Variants in THNSL1 observed in about 807,000 individuals in gnomAD.
THNSL1 encodes threonine synthase like 1, also known as threonine synthase-like 1.
THNSL1 carries 48 observed loss-of-function variants against 50.4 expected under a neutral mutation model. The observed-to-expected ratio is 0.95, with a 90% CI of 0.76 to 1.21. THNSL1 has a LOEUF of 1.21. THNSL1 is among the 50% of genes most tolerant of loss of function. THNSL1 has a pLI of 0.00. For missense variants in THNSL1, 896 were observed against 871.7 expected, an observed-to-expected ratio of 1.03 and a Z score of -0.35; for synonymous variants, 309 against 306.1, an observed-to-expected ratio of 1.01 and a Z score of -0.10.
chr10:24,952,734 G>A, the THNSL1 span: 16 of 679,940 alleles, frequency 2.4e-5, no homozygotes, highest in Admixed American at 2.0e-4. This position sits in a 1 kb window ranked among gnomAD's most constrained non-coding sequence, Gnocchi z 5.1. Context: ...GCGGGAAGCA[G>A]CGGCCTGACG....
At chr10:24,996,518 GT>G in the THNSL1 span, among the ~76,000 whole-genome samples, 1 of 151,860 alleles carries the variant, frequency 6.6e-6, no homozygotes, top group East Asian at 1.9e-4. Context: ...CTTATTGGCC[GT>G]TTTTACACAG....
rs774943737 is a variant in THNSL1 at position 25,024,952 on chromosome 10, C to T, written c.1729C>T (p.His577Tyr). 2 of 1,613,996 alleles carry T rather than the reference C, an allele frequency of 1.2e-6. No individual in the cohort carries two copies. The highest frequency in any genetic ancestry group is 8.5e-7 in the Non-Finnish European group (1 of 1,180,034). ...LKSSNLERHL[H>Y]LMANKDGQLM... ...ATCTTCAAACCTAGAACGACATTTA[C>T]ACTTGATGGCTAATAAAGATGGACA... The change falls in exon 3 of 3, where the codon CAC becomes TAC. Residue 577 changes from histidine to tyrosine, a missense_variant. Coordinates refer to ENST00000376356, the MANE Select transcript of THNSL1 (RefSeq NM_024838.5).
At chr10:24,964,100 C>A in the THNSL1 span, among the ~76,000 whole-genome samples, 5 of 152,230 alleles carry the variant, frequency 3.3e-5, no homozygotes, top group Admixed American at 2.0e-4. Flanking sequence ...TTCCTGGCTT[C>A]TTTTGCTCCT....
At chr10:24,952,564 GCTCC>G in the THNSL1 span, 1 of 1,592,106 alleles carries the variant, frequency 6.3e-7, no homozygotes, top group African/African-American at 1.3e-5. This position sits in a 1 kb window ranked among gnomAD's most constrained non-coding sequence, Gnocchi z 5.1. Context: ...CCTCCTCGCT[GCTCC>G]CGGCCATGTT....
the THNSL1 span, among the ~76,000 whole-genome samples, chr10:25,009,200 A>G: frequency 1.3e-5 from 2 of 152,186 alleles, no homozygotes; most frequent in Admixed American, 6.5e-5. Context: ...GCACATGTAT[A>G]CATATGTAAC....
chr10:24,977,745 A>G, the THNSL1 span, among the ~76,000 whole-genome samples: 1 of 152,206 alleles, frequency 6.6e-6, no homozygotes, highest in African/African-American at 2.4e-5. Context: ...ATTATTATGT[A>G]TGTGTGTATA....
chr10:24,955,701 T>G, the THNSL1 span, among the ~76,000 whole-genome samples: 553 of 152,282 alleles, frequency 3.6e-3, 5 homozygotes, highest in African/African-American at 0.012. Flanking sequence ...TACCAGCACT[T>G]CGGGAGGCCA....
At chr10:24,975,594 G>C in the THNSL1 span, among the ~76,000 whole-genome samples, 22 of 151,980 alleles carry the variant, frequency 1.4e-4, no homozygotes, top group Non-Finnish European at 2.5e-4. Context: ...GTGAGTTCTC[G>C]TGAGATCTCA....
At chr10:24,967,854 C>A in the THNSL1 span, among the ~76,000 whole-genome samples, 1 of 149,214 alleles carries the variant, frequency 6.7e-6, no homozygotes, top group Non-Finnish European at 1.5e-5. Context: ...ATGATGTGTG[C>A]GTATGATGTA....
chr10:25,002,710 T>A, the THNSL1 span, among the ~76,000 whole-genome samples: 4 of 152,260 alleles, frequency 2.6e-5, no homozygotes, highest in South Asian at 8.3e-4. Flanking sequence ...GTAGATAAAT[T>A]TGTTTGAAGA....
chr10:25,015,574 CAT>C (rs1458599678), upstream of THNSL1, among the ~76,000 whole-genome samples: 2 of 152,106 alleles, frequency 1.3e-5, no homozygotes, highest in African/African-American at 4.8e-5. Flanking sequence ...CTGTATATCA[CAT>C]ATAATTAAAT....
chr10:24,976,085 C>G, the THNSL1 span, among the ~76,000 whole-genome samples: 3 of 152,172 alleles, frequency 2.0e-5, no homozygotes, highest in Non-Finnish European at 4.4e-5. Flanking sequence ...TCTACCCCTT[C>G]CTGGGAGACT....
At chr10:24,985,553 T>G in the THNSL1 span, among the ~76,000 whole-genome samples, 4 of 152,226 alleles carry the variant, frequency 2.6e-5, no homozygotes, top group African/African-American at 9.6e-5. Flanking sequence ...GTAACACACA[T>G]GCTAATTCAA....
chr10:25,020,276 A>ATATCTGTATCTATATC (rs58705370), intron 1 of THNSL1, among the ~76,000 whole-genome samples: 1 of 149,428 alleles, frequency 6.7e-6, no homozygotes, highest in Non-Finnish European at 1.5e-5. Flanking sequence ...ATCTATATCT[A>ATATCTGTATCTATATC]TATATATCTA....
chr10:25,024,345 A>G lies in THNSL1; in HGVS notation c.1122A>G (p.Ile374Met). The G allele has an allele frequency of 1.9e-6, 3 of 1,614,138 alleles. No individual in the cohort carries two copies. Among genetic ancestry groups the G allele is most frequent in the Non-Finnish European group, 2.5e-6 (3 of 1,180,030 alleles). The change falls in exon 3 of 3, where the codon ATA (isoleucine) becomes ATG (methionine). Residue 374 changes from isoleucine to methionine, a missense_variant. Coordinates refer to ENST00000376356, the MANE Select transcript of THNSL1 (RefSeq NM_024838.5). ...HCIPPSCNYMILVATSGDTGS... is the reference protein window; with the variant it reads ...HCIPPSCNYMMLVATSGDTGS... ...TCCCACCAAGTTGCAATTATATGAT[A>G]CTTGTAGCTACTTCAGGAGACACAG...
the THNSL1 span, among the ~76,000 whole-genome samples, chr10:24,998,348 T>C: frequency 1.9e-5 from 2 of 107,608 alleles, no homozygotes; most frequent in Admixed American, 1.1e-4. Context: ...TCTCCCTCCC[T>C]TCCTTCCTTC....
chr10:25,005,259 TTC>T, the THNSL1 span, among the ~76,000 whole-genome samples: 10 of 152,218 alleles, frequency 6.6e-5, no homozygotes, highest in African/African-American at 2.2e-4. Flanking sequence ...AGATAAGTTA[TTC>T]TCAAACTAAA....
chr10:24,968,791 T>G, the THNSL1 span, among the ~76,000 whole-genome samples: 2 of 152,278 alleles, frequency 1.3e-5, no homozygotes, highest in Non-Finnish European at 2.9e-5. Flanking sequence ...CTCAAGGCTC[T>G]GTTGTACACA....
At position 25,018,622 on chromosome 10, in the gene THNSL1, A is replaced by G. The variant is rs567303510; in HGVS notation, c.-216+1930A>G. ...CACAGATCCTAGATCCCCGTATATA[A>G]TGGTATGCCTGTGATGTACATAAAC... On this transcript the variant is annotated intron_variant, in intron 1 of 2. Transcript: ENST00000376356. Among the ~76,000 whole-genome samples the G allele has an allele frequency of 1.3e-4, 19 of 148,686 alleles. No homozygotes were observed. The South Asian group carries it at 3.9e-3, about 31-fold the overall frequency.
Sources: gnomAD v4.1 joint callset for allele counts (sites outside exome capture counted in the v4.1 genomes callset) on GRCh38, gnomAD v4.1.1 for gene constraint, Gnocchi (gnomAD v3.1) non-coding constraint, MANE v1.5 for transcripts, NCBI Gene and HGNC (gene_info 2026-07-23, HGNC 2026-07-21) for gene names.